Variants in FAM120C observed in about 807,000 individuals in gnomAD.
FAM120C encodes family with sequence similarity 120 member C, also known as constitutive coactivator of PPAR-gamma-like protein 2.
Under a neutral mutation model 71.2 loss-of-function variants are expected in FAM120C, and 14 were observed. That is an observed-to-expected ratio of 0.20 (90% CI 0.13 to 0.31). FAM120C has a LOEUF of 0.31. FAM120C is among the 10% of genes least tolerant of loss of function. The pLI, the probability that FAM120C is intolerant of heterozygous loss-of-function variation, is 1.00. For missense variants in FAM120C, 500 were observed against 879.0 expected (o/e 0.57, Z 5.45); for synonymous variants, 354 against 353.2 (o/e 1.00, Z -0.03).
intron 10 of FAM120C, among the ~76,000 whole-genome samples, chrX:54,103,756 T>C (rs201719382): frequency 9.6e-4 from 1 of 1,037 alleles, no homozygotes; most frequent in Non-Finnish European, 0.04. Context: ...AAAACACCTC[T>C]TTTTTTTTTT....
In FAM120C at chrX:54,183,042, C is replaced by T. The variant is rs1269971489; in HGVS notation, c.157G>A (p.Ala53Thr). The T allele has an allele frequency of 1.7e-6, 2 of 1,156,078 alleles. No individual in the cohort carries two copies. The highest frequency in any genetic ancestry group is 1.8e-5 in the African/African-American group (1 of 55,563). Residue 53 changes from alanine (A) to threonine (T), a missense_variant, in exon 1 of 16, where the codon GCT (alanine) becomes ACT (threonine). Transcript: ENST00000375180. ...LPPTAALAPG[A>T]PRAARGSVPL... is the part of the protein sequence containing the mutation. ...ACGGAGCCCCTGGCGGCGCGTGGAG[C>T]CCCGGGCGCTAGGGCTGCAGTCGGC...
At chrX:54,089,851 C>CG (rs1557122425) in intron 11 of FAM120C, among the ~76,000 whole-genome samples, 2 of 109,174 alleles carry the variant, frequency 1.8e-5, no homozygotes, top group African/African-American at 6.7e-5. Context: ...CCCAGCTAGT[C>CG]GGGAGGCTGA....
chrX:54,151,427 A>C, intron 3 of FAM120C, 54 bp from the exon 4 acceptor site: 2 of 1,142,123 alleles, frequency 1.8e-6, no homozygotes, highest in Non-Finnish European at 2.4e-6. Flanking sequence ...ATCACTAAGA[A>C]AAAGAGTGAA....
intron 10 of FAM120C, among the ~76,000 whole-genome samples, chrX:54,110,506 G>A (rs2066931086): frequency 9.0e-6 from 1 of 111,144 alleles, no homozygotes; most frequent in African/African-American, 3.3e-5. Context: ...GTTATATGAA[G>A]TAAAGCAAAT....
intron 5 of FAM120C, among the ~76,000 whole-genome samples, chrX:54,136,143 C>A (rs964466666): frequency 1.8e-5 from 2 of 110,842 alleles, no homozygotes; most frequent in Non-Finnish European, 3.8e-5. Context: ...GGATTACAGG[C>A]GCCTGCCACC....
intron 2 of FAM120C, 24 bp from the exon 3 acceptor site, chrX:54,157,795 T>C (rs782119351): frequency 2.5e-5 from 27 of 1,095,068 alleles, no homozygotes; most frequent in Middle Eastern, 5.1e-4. Context: ...TTGTCATTCA[T>C]TGACTGTACA....
intron 2 of FAM120C, among the ~76,000 whole-genome samples, chrX:54,158,533 C>A (rs1377840259): frequency 8.9e-6 from 1 of 111,952 alleles, no homozygotes; most frequent in Non-Finnish European, 1.9e-5. Context: ...CTTTGGGAGG[C>A]CGAGGCGGGT....
rs1557130193 is a variant in FAM120C at position 54,134,990 on chromosome X, A to G, written c.1457T>C (p.Met486Thr). The G allele has an allele frequency of 8.3e-7, 1 of 1,211,902 alleles. No individual in the cohort carries two copies. The highest frequency in any genetic ancestry group is 1.7e-5 in the African/African-American group (1 of 57,885). ...GESHAFSEDP[M>T]LQNSPFANWA... The stretch of plus-strand genomic sequence containing the variant: ...ATTGGCAAAGGGGCTGTTCTGCAGC[A>G]TGGGATCCTCAGAAAAAGCATGGGA... Residue 486 changes from methionine to threonine, a missense_variant, in exon 7 of 16, where the codon ATG becomes ACG. Around this residue, in one of 11 missense-constraint regions of FAM120C, gnomAD observed 85 missense variants for 84.9 expected, o/e 1.00. Coordinates refer to ENST00000375180, the MANE Select transcript of FAM120C (RefSeq NM_017848.6).
At position 54,072,030 on chromosome X, in the gene FAM120C, A is replaced by G. The variant is rs1227421219; in HGVS notation, c.*1003T>C. ...TATACACACATACACACACACTTAC[A>G]TATATATAAAATATGTATAGATAAA... On this transcript the variant is annotated 3_prime_UTR_variant, in exon 16 of 16. Transcript: ENST00000375180. 1.9e-5 allele frequency: 2 copies of G among 105,133 alleles called. No homozygotes were observed. The highest frequency in any genetic ancestry group is 4.4e-4 in the South Asian group (1 of 2,288). 8.7% of individuals were successfully genotyped at this position (105,133 alleles called of 1,213,427 possible).
rs1470366707 is a variant in FAM120C, at chrX:54,133,929, C to A, written c.1734G>T (p.Glu578Asp). 4 of 1,209,847 alleles carry A rather than the reference C, an allele frequency of 3.3e-6. No individual in the cohort carries two copies. Among genetic ancestry groups the A allele is most frequent in the Non-Finnish European group, 4.5e-6 (4 of 895,240 alleles). Residue 578 changes from glutamate to aspartate, a missense_variant, in exon 8 of 16, where the codon GAG becomes GAT. This residue lies in a region of FAM120C where 85 missense variants were observed against 84.9 expected (regional missense o/e 1.00). Coordinates refer to ENST00000375180, the MANE Select transcript of FAM120C (RefSeq NM_017848.6). ...TAGACAGCAGAGATGGGATGTGGGG[C>A]TCACCATCACCTAGGCTCGCTTCTG... Reference protein sequence around the residue: ...GVSEASLGDGEPHIPSLLSMS... With the variant: ...GVSEASLGDGDPHIPSLLSMS...
intron 10 of FAM120C, among the ~76,000 whole-genome samples, chrX:54,111,897 T>C (rs782108654): frequency 8.9e-6 from 1 of 112,220 alleles, no homozygotes; most frequent in African/African-American, 3.2e-5. Flanking sequence ...TACAAGGCTA[T>C]AGTAACTAAG....
At chrX:54,117,229 T>A (rs1194576311) in intron 9 of FAM120C, among the ~76,000 whole-genome samples, 2 of 107,431 alleles carry the variant, frequency 1.9e-5, no homozygotes, top group African/African-American at 6.8e-5. Context: ...TGTGGTGGCA[T>A]GCGCTGCCAG....
chrX:54,143,405 T>G (rs1286167387), intron 4 of FAM120C, among the ~76,000 whole-genome samples: 1 of 109,421 alleles, frequency 9.1e-6, no homozygotes, highest in Non-Finnish European at 1.9e-5. Flanking sequence ...TCAACAAAAT[T>G]GATAGACCGC....
rs1557120132 is a variant in FAM120C at position 54,072,181 on chromosome X, A to T, written c.*852T>A. 1.9e-5 allele frequency: 2 copies of T among 103,557 alleles called. No homozygotes were observed. The highest frequency in any genetic ancestry group is 3.5e-5 in the African/African-American group (1 of 28,433). 8.5% of individuals were successfully genotyped at this position (103,557 alleles called of 1,213,427 possible). A position where few individuals can be genotyped will look rare whatever the true frequency, so the allele number is the denominator to read the frequency against. On this transcript the variant is annotated 3_prime_UTR_variant, in exon 16 of 16. Coordinates refer to ENST00000375180, the MANE Select transcript of FAM120C (RefSeq NM_017848.6). ...CATTCACACACACACACACACACAC[A>T]CACACACACACACACACACAGTCTC...
intron 9 of FAM120C, among the ~76,000 whole-genome samples, chrX:54,131,614 T>C (rs1381888781): frequency 9.0e-6 from 1 of 111,233 alleles, no homozygotes; most frequent in Admixed American, 9.5e-5. Flanking sequence ...AATTTTGTAT[T>C]TTGGGTAGAA....
At chrX:54,148,020 T>C (rs1446837110) in intron 4 of FAM120C, among the ~76,000 whole-genome samples, 1 of 111,475 alleles carries the variant, frequency 9.0e-6, no homozygotes, top group African/African-American at 3.3e-5. Context: ...TTAAAAAATA[T>C]TTTTAAAAAA....
At chrX:54,149,148 C>T (rs2067172054) in intron 4 of FAM120C, among the ~76,000 whole-genome samples, 2 of 112,112 alleles carry the variant, frequency 1.8e-5, no homozygotes, top group African/African-American at 6.5e-5. Context: ...ATGTTTATAG[C>T]AGCTCTATTC....
In FAM120C at chrX:54,135,508, G is replaced by A; in HGVS notation, c.1335+20C>T. 1 of 1,193,352 alleles carries A rather than the reference G, an allele frequency of 8.4e-7. No individual in the cohort carries two copies. The highest frequency in any genetic ancestry group is 1.1e-6 in the Non-Finnish European group (1 of 881,018). ...CAACCTGAGTCTAATGCTATCTCAG[G>A]CTTCTTAAAGGATGCTTACCATTGG... On this transcript the variant is annotated intron_variant, in intron 6 of 15. Coordinates refer to ENST00000375180, the MANE Select transcript of FAM120C (RefSeq NM_017848.6).
intron 10 of FAM120C, among the ~76,000 whole-genome samples, chrX:54,107,843 CT>C (rs1305127723): frequency 1.0e-5 from 1 of 98,832 alleles, no homozygotes; most frequent in Non-Finnish European, 2.0e-5. Context: ...ACTGGGAAAA[CT>C]TTGTAAGTCA....
Sources: allele counts gnomAD v4.1 joint callset (sites outside exome capture counted in the v4.1 genomes callset), GRCh38; gene constraint gnomAD v4.1.1; regional missense constraint gnomAD v4.1.1; transcripts MANE v1.5; gene names NCBI Gene and HGNC (gene_info 2026-07-23, HGNC 2026-07-21).